Variants in NRG4 observed in about 807,000 individuals in gnomAD.
The protein encoded by NRG4 is pro-neuregulin-4, membrane-bound isoform.
NRG4 carries 10 observed loss-of-function variants against 15.0 expected under a neutral mutation model. That is an observed-to-expected ratio of 0.67 (90% confidence interval 0.41 to 1.13). The LOEUF (loss-of-function observed/expected upper bound fraction) is 1.13, where lower values mean the gene tolerates loss of function less well. Ranked by LOEUF, NRG4 falls within the 50% of genes most tolerant of loss-of-function variation. NRG4 has a pLI of 0.00. For missense variants in NRG4, 139 were observed against 140.2 expected (o/e 0.99, Z 0.04); for synonymous variants, 41 against 50.1 (o/e 0.82, Z 0.77).
intron 3 of NRG4, among the ~76,000 whole-genome samples, chr15:75,967,136 T>C (rs1396803504): frequency 7.2e-6 from 1 of 138,682 alleles, no homozygotes; most frequent in Non-Finnish European, 1.5e-5. Flanking sequence ...AAAAAAAAAG[T>C]CTACAGCCAT....
In NRG4 at chr15:76,049,694, A is replaced by T. The variant is rs538804857; in HGVS notation, c.-105+2373T>A. 1.8e-3 allele frequency among the ~76,000 whole-genome samples: 272 copies of T among 151,220 alleles called. 12 individuals carry two copies. The highest frequency in any genetic ancestry group is 6.5e-3 in the African/African-American group (265 of 40,676). On this transcript the variant is annotated intron_variant, in intron 4 of 8. Transcript: ENST00000563910. ...ATTTCTCCTCTTTCTCTGACTCAGTAGAAAGAACAACAGCCCTTTCCTTGC... is the reference window on the plus strand; with the variant it reads ...ATTTCTCCTCTTTCTCTGACTCAGTTGAAAGAACAACAGCCCTTTCCTTGC...
At chr15:76,020,023 G>T (rs117793951) in intron 5 of NRG4, among the ~76,000 whole-genome samples, 116 of 152,092 alleles carry the variant, frequency 7.6e-4, no homozygotes, top group African/African-American at 2.7e-3. Flanking sequence ...GCAATATTTC[G>T]AACTTTTTCA....
At chr15:76,001,588 T>G (rs931355657) in intron 3 of NRG4, among the ~76,000 whole-genome samples, 1 of 152,164 alleles carries the variant, frequency 6.6e-6, no homozygotes, top group African/African-American at 2.4e-5. Flanking sequence ...GTTCTTTGCT[T>G]CATTTGACAA....
chr15:75,953,986 C>T (rs2032070544), intron 5 of NRG4, among the ~76,000 whole-genome samples: 1 of 152,028 alleles, frequency 6.6e-6, no homozygotes, highest in Non-Finnish European at 1.5e-5. Flanking sequence ...AGTGCCAGGC[C>T]TTTGTTGAAA....
intron 4 of NRG4, among the ~76,000 whole-genome samples, chr15:76,051,207 G>A (rs867882179): frequency 1.8e-4 from 27 of 148,192 alleles, no homozygotes; most frequent in Non-Finnish European, 7.4e-5. Flanking sequence ...GGGTTTCACC[G>A]TTTTAGCCGG....
In NRG4 at chr15:75,955,967, TTGA is replaced by T; in HGVS notation, c.293_295del (p.Ile98del). 6.2e-7 allele frequency: 1 copy of T among 1,611,884 alleles called. No individual in the cohort carries two copies. Among genetic ancestry groups the T allele is most frequent in the Non-Finnish European group, 8.5e-7 (1 of 1,177,984 alleles). ...ACTGGTACTGCTCGTCTCTACCAGG[TTGA>T]TATCATACTGGACTGAACTGGCTCT... On this transcript the variant is annotated inframe_deletion, in exon 5 of 6. Coordinates refer to ENST00000394907, the MANE Select transcript of NRG4 (RefSeq NM_138573.4).
At chr15:76,033,292 A>G (rs1290649184) in intron 5 of NRG4, among the ~76,000 whole-genome samples, 1 of 152,156 alleles carries the variant, frequency 6.6e-6, no homozygotes, top group Admixed American at 6.6e-5. Flanking sequence ...GTGGTGGCTC[A>G]CGCCTGTCAT....
In NRG4 at chr15:76,027,147, A is replaced by G. The variant is rs191020105; in HGVS notation, c.-57+8797T>C. Reference sequence around the variant, plus strand: ...AAAATAAAATAAAATAAAATAAAATAAAAACAAGAACCAACTATATACTGC... The same window carrying G: ...AAAATAAAATAAAATAAAATAAAATGAAAACAAGAACCAACTATATACTGC... On this transcript the variant is annotated intron_variant, in intron 5 of 8. Coordinates refer to the NRG4 transcript ENST00000563910. Among the ~76,000 whole-genome samples, 485 of 152,182 alleles carry G rather than the reference A, an allele frequency of 3.2e-3. 1 individual carries two copies. The highest frequency in any genetic ancestry group is 0.011 in the African/African-American group (440 of 41,544).
chr15:76,021,788 C>T (rs1213605839), intron 5 of NRG4, among the ~76,000 whole-genome samples: 2 of 152,096 alleles, frequency 1.3e-5, no homozygotes, highest in Non-Finnish European at 2.9e-5. Context: ...ACCTTTAGGA[C>T]CATGTGATTC....
At chr15:76,017,169 T>TTTC (rs1211086490), upstream of NRG4, among the ~76,000 whole-genome samples, 1 of 142,780 alleles carries the variant, frequency 7.0e-6, no homozygotes, top group Non-Finnish European at 1.5e-5. Flanking sequence ...TTTTTTTTTT[T>TTTC]TTTTTTTTGC....
chr15:76,039,909 C>G (rs1042437166), intron 4 of NRG4, among the ~76,000 whole-genome samples: 3 of 152,078 alleles, frequency 2.0e-5, no homozygotes, highest in Non-Finnish European at 4.4e-5. Flanking sequence ...TGGCACACAC[C>G]TATGCTCTCA....
chr15:75,993,158 T>C (rs567111758), intron 3 of NRG4, among the ~76,000 whole-genome samples: 26 of 152,124 alleles, frequency 1.7e-4, no homozygotes, highest in African/African-American at 6.3e-4. Context: ...CAAGATTTTC[T>C]CTTTATATTT....
chr15:76,018,044 A>C (rs538455749), intron 5 of NRG4, among the ~76,000 whole-genome samples: 1 of 151,736 alleles, frequency 6.6e-6, no homozygotes, highest in South Asian at 2.1e-4. Flanking sequence ...TTTTTTCTCT[A>C]ATCTTGTCTT....
intron 3 of NRG4, chr15:76,005,803 G>A (rs1044613486): frequency 1.9e-5 from 8 of 430,908 alleles, no homozygotes; most frequent in Admixed American, 1.2e-4. Context: ...TTTCATTTTC[G>A]TGTAGACTGA....
At chr15:75,973,641 T>C (rs757713044) in intron 3 of NRG4, among the ~76,000 whole-genome samples, 3 of 152,238 alleles carry the variant, frequency 2.0e-5, no homozygotes, top group Non-Finnish European at 2.9e-5. Flanking sequence ...GTTTTTGTCA[T>C]TGGTTCTGTT....
intron 4 of NRG4, among the ~76,000 whole-genome samples, chr15:76,037,978 C>T (rs535168235): frequency 6.6e-6 from 1 of 152,236 alleles, no homozygotes; most frequent in African/African-American, 2.4e-5. Context: ...GCCCTAGCTC[C>T]CCAGATGACA....
At chr15:76,025,491 T>A (rs548516090) in intron 5 of NRG4, among the ~76,000 whole-genome samples, 9 of 151,988 alleles carry the variant, frequency 5.9e-5, no homozygotes, top group Non-Finnish European at 1.3e-4. Context: ...AAATTGACTA[T>A]TTAGATAAGA....
chr15:76,025,486 G>A (rs2035287973), intron 5 of NRG4, among the ~76,000 whole-genome samples: 1 of 151,936 alleles, frequency 6.6e-6, no homozygotes, highest in African/African-American at 2.4e-5. Flanking sequence ...TTTAAAAATT[G>A]ACTATTTAGA....
upstream of NRG4, among the ~76,000 whole-genome samples, chr15:76,014,536 G>A (rs1442397585): frequency 6.6e-6 from 1 of 152,102 alleles, no homozygotes; most frequent in Admixed American, 6.6e-5. Flanking sequence ...TGTAAGGAAG[G>A]GGTCCAGTTT....
Sources: gnomAD v4.1 joint callset for allele counts (sites outside exome capture counted in the v4.1 genomes callset) on GRCh38, gnomAD v4.1.1 for gene constraint, MANE v1.5 for transcripts, NCBI Gene and HGNC (gene_info 2026-07-23, HGNC 2026-07-21) for gene names.